Variants in ITSN1 observed in about 807,000 individuals in gnomAD.
The protein encoded by ITSN1 is intersectin-1.
Under a neutral mutation model 239.8 loss-of-function variants are expected in ITSN1, and 58 were observed. That is an observed-to-expected ratio of 0.24 (90% confidence interval 0.20 to 0.30). The LOEUF is 0.30. Among genes scored for constraint, ITSN1 ranks in the 10% least tolerant of loss-of-function variants. The pLI is 1.00. For synonymous variants in ITSN1, 780 were observed against 770.8 expected, an observed-to-expected ratio of 1.01 and a Z score of -0.20; for missense variants, 1,558 against 2,103.3, an observed-to-expected ratio of 0.74 and a Z score of 5.07.
At chr21:33,706,793 GCTCACTGCAACCT>G (rs775596118) in intron 1 of ITSN1, among the ~76,000 whole-genome samples, 4 of 151,896 alleles carry the variant, frequency 2.6e-5, no homozygotes, top group African/African-American at 4.8e-5. Context: ...CACAATCTTG[GCTCACTGCAACCT>G]CTGCCTTCTG....
intron 24 of ITSN1, among the ~76,000 whole-genome samples, chr21:33,821,386 A>T (rs2073665941): frequency 6.6e-6 from 1 of 152,252 alleles, no homozygotes; most frequent in African/African-American, 2.4e-5. Flanking sequence ...GAGAAAAGCT[A>T]TTTACATATA....
At chr21:33,767,104 G>A (rs2068781367) in intron 10 of ITSN1, among the ~76,000 whole-genome samples, 1 of 152,144 alleles carries the variant, frequency 6.6e-6, no homozygotes, top group Admixed American at 6.5e-5. Context: ...GGAGGCGGAG[G>A]TTGCAGTGAG....
intron 1 of ITSN1, among the ~76,000 whole-genome samples, chr21:33,646,958 C>G (rs751172161): frequency 2.6e-5 from 4 of 151,580 alleles, no homozygotes; most frequent in Non-Finnish European, 5.9e-5. Flanking sequence ...TGCACTCTAG[C>G]CTGGGTGACA....
In ITSN1 at chr21:33,899,651, A is replaced by G. The variant is rs1246304015; in HGVS notation, c.*11351A>G. The G allele has an allele frequency of 2.0e-5, 3 of 152,182 alleles. No homozygotes were observed. The highest frequency in any genetic ancestry group is 1.3e-4 in the Admixed American group (2 of 15,282). 9.4% of individuals were successfully genotyped at this position (152,182 alleles called of 1,614,324 possible). Reference sequence around the variant, plus strand: ...TCCTTTGGCAACTTATTATGTGTGAAATGTTAAATTTTACCGATTAAGATG... The same window carrying G: ...TCCTTTGGCAACTTATTATGTGTGAGATGTTAAATTTTACCGATTAAGATG... On this transcript the variant is annotated 3_prime_UTR_variant, in exon 40 of 40. Transcript: ENST00000381318.
intron 4 of ITSN1, among the ~76,000 whole-genome samples, chr21:33,734,698 G>T (rs972958605): frequency 6.6e-6 from 1 of 152,052 alleles, no homozygotes; most frequent in Non-Finnish European, 1.5e-5. Context: ...CTAATTCATT[G>T]GTTTTAGTTT....
chr21:33,689,977 A>T (rs1404061226), intron 1 of ITSN1, among the ~76,000 whole-genome samples: 2 of 150,022 alleles, frequency 1.3e-5, no homozygotes, highest in Non-Finnish European at 1.5e-5. Context: ...CAAAAAAAAA[A>T]AAAAATAATT....
At chr21:33,744,294 A>G (rs1047248574) in intron 5 of ITSN1, among the ~76,000 whole-genome samples, 7 of 152,256 alleles carry the variant, frequency 4.6e-5, no homozygotes, top group East Asian at 1.9e-4. Flanking sequence ...GTCATTTTCT[A>G]TACCTTTGAA....
At chr21:33,796,666 G>T (rs1403055879) in intron 17 of ITSN1, among the ~76,000 whole-genome samples, 1 of 152,164 alleles carries the variant, frequency 6.6e-6, no homozygotes, top group South Asian at 2.1e-4. Flanking sequence ...TTCCTCATTT[G>T]TAAAATAGGA....
intron 33 of ITSN1, among the ~76,000 whole-genome samples, chr21:33,868,090 G>C (rs746633465): frequency 6.6e-6 from 1 of 152,304 alleles, no homozygotes; most frequent in Middle Eastern, 3.4e-3. Flanking sequence ...CTGCTGGCTC[G>C]GGCAGCCTGC....
chr21:33,834,392 C>T lies in ITSN1; in HGVS notation c.3437C>T (p.Thr1146Ile). ...LSPGTSKITP[T>I]EPPKSTALAA... ...CCTGGGACGAGCAAAATCACTCCAA[C>T]AGAGCCACCTAAGTCAACAGCATTA... The change falls in exon 28 of 40, where the codon ACA becomes ATA. Residue 1146 changes from threonine (T) to isoleucine (I), a missense_variant. This residue lies in a region of ITSN1 where 576 missense variants were observed against 893.3 expected (regional missense o/e 0.64). Transcript: ENST00000381318. 1.2e-6 allele frequency: 2 copies of T among 1,613,286 alleles called. No individual in the cohort carries two copies. The highest frequency in any genetic ancestry group is 1.7e-6 in the Non-Finnish European group (2 of 1,179,410).
rs2071379269 is a variant in ITSN1 at position 33,794,415 on chromosome 21, A to G, written c.1899A>G (p.Lys633=). The G allele has an allele frequency of 3.1e-6, 5 of 1,613,882 alleles. No individual in the cohort carries two copies. The highest frequency in any genetic ancestry group is 4.2e-6 in the Non-Finnish European group (5 of 1,179,974). Reference sequence around the variant, plus strand: ...TGGAGGCTGAACGACTGAAACAGAAAGAACAAGAACGAAAGATCATAGAAT... The same window carrying G: ...TGGAGGCTGAACGACTGAAACAGAAGGAACAAGAACGAAAGATCATAGAAT... ...KSMEAERLKQ[K]EQERKIIELE... The change falls in exon 17 of 40, where the codon AAA becomes AAG. Residue 633 remains lysine, a synonymous_variant. Coordinates refer to ENST00000381318, the MANE Select transcript of ITSN1 (RefSeq NM_003024.3).
chr21:33,877,739 T>C (rs550543152), intron 34 of ITSN1, among the ~76,000 whole-genome samples: 1 of 152,246 alleles, frequency 6.6e-6, no homozygotes, highest in East Asian at 1.9e-4. Flanking sequence ...CTCAAAGCTA[T>C]AGTGGCACTG....
intron 29 of ITSN1, among the ~76,000 whole-genome samples, chr21:33,839,794 A>G (rs2074760842): frequency 6.6e-6 from 1 of 152,186 alleles, no homozygotes; most frequent in South Asian, 2.1e-4. Flanking sequence ...GCTTTCCCCT[A>G]CAAATCATTG....
chr21:33,828,269 A>G (rs1301077013), intron 26 of ITSN1, among the ~76,000 whole-genome samples: 2 of 152,078 alleles, frequency 1.3e-5, no homozygotes, highest in African/African-American at 4.8e-5. Context: ...CAAACCATAA[A>G]CTCTTGGAAC....
chr21:33,892,806 C>T lies in ITSN1; in HGVS notation c.*4506C>T, dbSNP rs1986449951. ...AGCTACAGTGTAATTGCCTACCTGC[C>T]TGGGCCCCTTCTAGAGGAAGGTGGG... On this transcript the variant is annotated 3_prime_UTR_variant, in exon 40 of 40. Coordinates refer to ENST00000381318, the MANE Select transcript of ITSN1 (RefSeq NM_003024.3). The T allele has an allele frequency of 6.6e-6, 1 of 152,212 alleles. No homozygotes were observed. Among genetic ancestry groups the T allele is most frequent in the Non-Finnish European group, 1.5e-5 (1 of 68,056 alleles). The allele number at this position is 152,212 out of a possible 1,614,324, so 9.4% of individuals were successfully genotyped here.
intron 34 of ITSN1, among the ~76,000 whole-genome samples, chr21:33,877,684 A>G (rs1984164467): frequency 6.6e-6 from 1 of 152,092 alleles, no homozygotes; most frequent in African/African-American, 2.4e-5. Flanking sequence ...CACCCTATGT[A>G]GTGAGTAAAA....
chr21:33,801,008 C>G (rs1276963459), intron 19 of ITSN1, among the ~76,000 whole-genome samples: 1 of 151,826 alleles, frequency 6.6e-6, no homozygotes, highest in African/African-American at 2.4e-5. Flanking sequence ...CTAGCTGGAA[C>G]CACAGGCGTG....
At chr21:33,725,192 A>G (rs2065756874) in intron 4 of ITSN1, among the ~76,000 whole-genome samples, 1 of 131,054 alleles carries the variant, frequency 7.6e-6, no homozygotes. Context: ...CTGGATTGCA[A>G]TGGCACGATC....
chr21:33,872,604 T>G (rs1242166849), intron 33 of ITSN1, among the ~76,000 whole-genome samples: 1 of 152,192 alleles, frequency 6.6e-6, no homozygotes. Flanking sequence ...CGATCTCAGC[T>G]CACTGCAATG....
Sources: allele counts gnomAD v4.1 joint callset (sites outside exome capture counted in the v4.1 genomes callset), GRCh38; gene constraint gnomAD v4.1.1; regional missense constraint gnomAD v4.1.1; transcripts MANE v1.5; gene names NCBI Gene and HGNC (gene_info 2026-07-23, HGNC 2026-07-21).